The following CDK15 variants were observed in gnomAD, a reference collection of about 807,000 sequenced individuals.
The protein encoded by CDK15 is cyclin dependent kinase 15.
CDK15 carries 62 observed loss-of-function variants against 60.3 expected under a neutral mutation model. The observed-to-expected ratio is 1.03, with a 90% CI of 0.84 to 1.27. CDK15 has a LOEUF of 1.27. Ranked by LOEUF, CDK15 falls within the 50% of genes most tolerant of loss-of-function variation. CDK15 has a pLI of 0.00. For missense variants in CDK15, 541 were observed against 527.8 expected, an observed-to-expected ratio of 1.03 and a Z score of -0.25; for synonymous variants, 194 against 195.7, an observed-to-expected ratio of 0.99 and a Z score of 0.07.
chr2:201,855,976 G>A (rs536217595), intron 10 of CDK15, among the ~76,000 whole-genome samples: 12 of 152,020 alleles, frequency 7.9e-5, no homozygotes, highest in East Asian at 3.9e-4. Context: ...ACAGGCACCC[G>A]CCACCATGCC....
chr2:201,816,102 T>A (rs1437627139), intron 4 of CDK15, among the ~76,000 whole-genome samples: 1 of 152,188 alleles, frequency 6.6e-6, no homozygotes, highest in African/African-American at 2.4e-5. Flanking sequence ...ATATAAACAT[T>A]AAGGAAAATG....
chr2:201,869,839 T>C (rs1323583993), intron 10 of CDK15, among the ~76,000 whole-genome samples: 2 of 152,210 alleles, frequency 1.3e-5, no homozygotes, highest in Non-Finnish European at 2.9e-5. Context: ...AATGAGGAAA[T>C]ATTTTGATTT....
chr2:201,887,587 T>A (rs1170428999), intron 12 of CDK15, among the ~76,000 whole-genome samples: 2 of 152,210 alleles, frequency 1.3e-5, no homozygotes, highest in Admixed American at 6.5e-5. Context: ...CTAGTTTTCT[T>A]TACCCCAGGT....
chr2:201,836,798 A>AG (rs1369959684), intron 8 of CDK15, among the ~76,000 whole-genome samples: 51 of 149,684 alleles, frequency 3.4e-4, no homozygotes, highest in African/African-American at 1.2e-3. Flanking sequence ...AGCCTGGTTT[A>AG]GGAAAAAAAA....
intron 10 of CDK15, among the ~76,000 whole-genome samples, chr2:201,866,681 G>A (rs1426695741): frequency 6.6e-6 from 1 of 152,156 alleles, no homozygotes; most frequent in Non-Finnish European, 1.5e-5. Context: ...AGAGGCTATT[G>A]AAGCCAGAGA....
intron 8 of CDK15, among the ~76,000 whole-genome samples, chr2:201,843,978 C>T (rs1697526166): frequency 6.6e-6 from 1 of 152,128 alleles, no homozygotes; most frequent in Admixed American, 6.5e-5. Flanking sequence ...GAAAAGGCAA[C>T]AAGCTTCTTC....
chr2:201,813,034 G>A (rs1272902380), intron 4 of CDK15, among the ~76,000 whole-genome samples: 1 of 152,170 alleles, frequency 6.6e-6, no homozygotes, highest in Non-Finnish European at 1.5e-5. Flanking sequence ...AAATGGGTGA[G>A]GAACCTGGTG....
At chr2:201,885,990 T>A (rs1267137690) in intron 12 of CDK15, among the ~76,000 whole-genome samples, 1 of 152,214 alleles carries the variant, frequency 6.6e-6, no homozygotes, top group Non-Finnish European at 1.5e-5. Flanking sequence ...CAAATCTGAC[T>A]CCTAAAAGCT....
chr2:201,873,439 C>T (rs1344578833), intron 11 of CDK15, among the ~76,000 whole-genome samples: 1 of 152,172 alleles, frequency 6.6e-6, no homozygotes, highest in Non-Finnish European at 1.5e-5. Flanking sequence ...TGGATTTTAG[C>T]ATGGCCCGTG....
intron 8 of CDK15, among the ~76,000 whole-genome samples, chr2:201,845,148 C>CA (rs1353713825): frequency 2.7e-3 from 206 of 77,238 alleles, no homozygotes; most frequent in African/African-American, 7.7e-3. Context: ...GACCCTGTCT[C>CA]AAAAAAAAAG....
At chr2:201,839,791 A>G (rs903130650) in intron 8 of CDK15, among the ~76,000 whole-genome samples, 3 of 152,188 alleles carry the variant, frequency 2.0e-5, no homozygotes, top group East Asian at 1.9e-4. Flanking sequence ...CAACTTTTCT[A>G]TAAGTTTGAA....
intron 1 of CDK15, 78 bp from the exon 2 acceptor site, chr2:201,807,416 T>C (rs1415831018): frequency 1.0e-5 from 15 of 1,435,802 alleles, no homozygotes; most frequent in South Asian, 1.3e-5. Context: ...ATGAGGCAAA[T>C]AAAGAAAAAA....
chr2:201,830,433 G>C (rs1474465776), intron 6 of CDK15, among the ~76,000 whole-genome samples: 1 of 152,176 alleles, frequency 6.6e-6, no homozygotes, highest in Non-Finnish European at 1.5e-5. Flanking sequence ...GAAAAGTCAT[G>C]GGAAACCATG....
At chr2:201,890,661 A>T in intron 12 of CDK15, 124 bp from the exon 13 acceptor site, 1 of 649,762 alleles carries the variant, frequency 1.5e-6, no homozygotes, top group Non-Finnish European at 2.6e-6. Context: ...ATGAATTATT[A>T]GTAAATAAGT....
chr2:201,821,456 G>A (rs1191490916), intron 4 of CDK15, among the ~76,000 whole-genome samples: 1 of 152,050 alleles, frequency 6.6e-6, no homozygotes, highest in Non-Finnish European at 1.5e-5. Context: ...ATAGGTTGAT[G>A]CCTAAAGAAA....
intron 10 of CDK15, among the ~76,000 whole-genome samples, chr2:201,860,537 G>A (rs1698345344): frequency 6.6e-6 from 1 of 152,154 alleles, no homozygotes; most frequent in African/African-American, 2.4e-5. Flanking sequence ...GGAAGCATCC[G>A]GGATTATCCT....
intron 8 of CDK15, among the ~76,000 whole-genome samples, chr2:201,836,598 T>C (rs1389182020): frequency 4.0e-5 from 6 of 151,698 alleles, no homozygotes; most frequent in Non-Finnish European, 7.4e-5. Context: ...GGCAATCTCA[T>C]GCTCTTTCTT....
intron 12 of CDK15, among the ~76,000 whole-genome samples, chr2:201,881,721 C>T (rs1699284344): frequency 6.6e-6 from 1 of 152,170 alleles, no homozygotes; most frequent in South Asian, 2.1e-4. Context: ...ACAGTTCTCA[C>T]TCCTTTCCTG....
At chr2:201,886,820 T>A (rs1041515382) in intron 12 of CDK15, among the ~76,000 whole-genome samples, 2 of 152,138 alleles carry the variant, frequency 1.3e-5, no homozygotes, top group South Asian at 4.1e-4. Context: ...AAATACAAAT[T>A]ACCGTTAAAT....
Sources: gnomAD v4.1 joint callset for allele counts (sites outside exome capture counted in the v4.1 genomes callset) on GRCh38, gnomAD v4.1.1 for gene constraint, MANE v1.5 for transcripts, NCBI Gene and HGNC (gene_info 2026-07-23, HGNC 2026-07-21) for gene names.